UBXN2B: variants seen among roughly 807,000 people sequenced by gnomAD.
The protein encoded by UBXN2B is UBX domain protein 2B.
Under a neutral mutation model 37.5 loss-of-function variants are expected in UBXN2B, and 19 were observed. That is an observed-to-expected ratio of 0.51 (90% CI 0.35 to 0.74). The LOEUF (loss-of-function observed/expected upper bound fraction) is 0.74, where lower values mean the gene tolerates loss of function less well. Ranked by LOEUF, UBXN2B falls within the 30% of genes least tolerant of loss-of-function variation. The pLI, the probability that UBXN2B is intolerant of heterozygous loss-of-function variation, is 0.01. For missense variants in UBXN2B, 370 were observed against 393.2 expected (o/e 0.94, Z 0.50); for synonymous variants, 145 against 143.8 (o/e 1.01, Z -0.06).
At position 58,448,501 on chromosome 8, in the gene UBXN2B, T is replaced by C. The variant is rs1313782070; in HGVS notation, c.*950T>C. ...AAGGTCAGCAGTTCTTAAGAAGATA[T>C]GGTAAACAGCAACAATATTTTAAAA... is the stretch of plus-strand genomic sequence containing the variant. On this transcript the variant is annotated 3_prime_UTR_variant, in exon 8 of 8. Coordinates refer to ENST00000399598, the MANE Select transcript of UBXN2B (RefSeq NM_001077619.2). 2.0e-5 allele frequency: 3 copies of C among 152,160 alleles called. No homozygotes were observed. Among genetic ancestry groups the C allele is most frequent in the Non-Finnish European group, 4.4e-5 (3 of 68,028 alleles). 9.4% of individuals were successfully genotyped at this position (152,160 alleles called of 1,614,324 possible). A position where few individuals can be genotyped will look rare whatever the true frequency, so the allele number is the denominator to read the frequency against.
In UBXN2B at chr8:58,426,577, T is replaced by TA; in HGVS notation, c.189-3941dup. The stretch of plus-strand genomic sequence containing the variant: ...ACAAAAAGTGTGAAGTCTCCAGGGT[T>TA]ACTTTTACTAGGCCTTGCCAAAAAA... On this transcript the variant is annotated intron_variant, in intron 2 of 7. Coordinates refer to ENST00000399598, the MANE Select transcript of UBXN2B (RefSeq NM_001077619.2). The TA allele has an allele frequency of 5.3e-6, 4 of 753,278 alleles. No homozygotes were observed. In the Admixed American group the frequency reaches 6.9e-5, roughly 13 times the overall value. The allele number at this position is 753,278 out of a possible 1,614,324, so 46.7% of individuals were successfully genotyped here. A position where few individuals can be genotyped will look rare whatever the true frequency, so the allele number is the denominator to read the frequency against.
intron 2 of UBXN2B, among the ~76,000 whole-genome samples, chr8:58,420,851 T>G (rs1239948964): frequency 6.6e-6 from 1 of 152,230 alleles, no homozygotes; most frequent in African/African-American, 2.4e-5. Flanking sequence ...TTTGGAACTT[T>G]TCAAGAGGAA....
rs191301008 is a variant in UBXN2B, at chr8:58,431,250, G to A, written c.339+581G>A. 3.5e-3 allele frequency among the ~76,000 whole-genome samples: 530 copies of A among 152,298 alleles called. 2 individuals are homozygous for A. The highest frequency in any genetic ancestry group is 0.012 in the African/African-American group (507 of 41,562). ...TGTAATCCTAGCACTTTGGGAGGCC[G>A]AAGCAGGCAGATCACAGTTCAAGAC... On this transcript the variant is annotated intron_variant, in intron 3 of 7. Coordinates refer to ENST00000399598, the MANE Select transcript of UBXN2B (RefSeq NM_001077619.2).
intron 2 of UBXN2B, among the ~76,000 whole-genome samples, chr8:58,418,791 A>G (rs1244396962): frequency 6.6e-6 from 1 of 152,116 alleles, no homozygotes; most frequent in African/African-American, 2.4e-5. Flanking sequence ...CATATAAAAT[A>G]CTGTATTTTT....
intron 2 of UBXN2B, among the ~76,000 whole-genome samples, chr8:58,426,923 T>C (rs529286923): frequency 6.6e-6 from 1 of 152,244 alleles, no homozygotes; most frequent in African/African-American, 2.4e-5. Context: ...TAATAAGGTT[T>C]TGCCAATTGG....
In UBXN2B at chr8:58,411,399, G is replaced by A. The variant is rs1225166637; in HGVS notation, c.14G>A (p.Gly5Glu). 1.4e-5 allele frequency: 18 copies of A among 1,269,450 alleles called. No individual in the cohort carries two copies. The highest frequency in any genetic ancestry group is 1.7e-5 in the Non-Finnish European group (17 of 1,003,176). 78.6% of individuals were successfully genotyped at this position (1,269,450 alleles called of 1,614,324 possible). The change falls in exon 1 of 8, where the codon GGA becomes GAA. Residue 5 changes from glycine to glutamate, a missense_variant. By Grantham distance (98) the Gly-to-Glu change is moderately conservative (BLOSUM62 -2). Transcript: ENST00000399598. The part of the protein sequence containing the change: MAEG[G>E]GPEPGEQERR... ...AGCCAGCGGAAGATGGCGGAGGGCG[G>A]AGGCCCTGAGCCCGGCGAGCAGGAG...
intron 2 of UBXN2B, among the ~76,000 whole-genome samples, chr8:58,427,214 A>C (rs1808124216): frequency 1.3e-5 from 2 of 152,230 alleles, no homozygotes; most frequent in South Asian, 4.1e-4. Flanking sequence ...CACGCCTGTC[A>C]TCTTAGCACT....
chr8:58,436,927 G>A (rs1022280526), intron 5 of UBXN2B, among the ~76,000 whole-genome samples: 2 of 152,138 alleles, frequency 1.3e-5, no homozygotes, highest in South Asian at 2.1e-4. Context: ...CTTTATAGCA[G>A]TACAAACAGA....
intron 5 of UBXN2B, among the ~76,000 whole-genome samples, chr8:58,438,551 C>G (rs1262519884): frequency 2.0e-5 from 3 of 152,244 alleles, no homozygotes. Flanking sequence ...TTTCAGACTT[C>G]TGTGGGGCCT....
intron 4 of UBXN2B, 21 bp from the exon 5 acceptor site, chr8:58,434,367 ATATTTTT>A: frequency 2.3e-6 from 1 of 442,892 alleles, no homozygotes; most frequent in South Asian, 8.1e-5. Flanking sequence ...ATATATATAT[ATATTTTT>A]TTTTTTTCTA....
chr8:58,446,095 G>C (rs1397706610), intron 7 of UBXN2B, 27 bp downstream of exon 7: 2 of 1,588,266 alleles, frequency 1.3e-6, no homozygotes, highest in African/African-American at 2.7e-5. Context: ...ACAGTGTCCT[G>C]TTTGCTGTTA....
At chr8:58,412,163 A>G (rs1228840029) in intron 1 of UBXN2B, among the ~76,000 whole-genome samples, 1 of 152,220 alleles carries the variant, frequency 6.6e-6, no homozygotes, top group Non-Finnish European at 1.5e-5. Context: ...TTATAAGATT[A>G]TTGATAAAAA....
At chr8:58,428,378 G>T (rs1276006423) in intron 2 of UBXN2B, among the ~76,000 whole-genome samples, 2 of 152,272 alleles carry the variant, frequency 1.3e-5, no homozygotes, top group Middle Eastern at 3.4e-3. Context: ...AAAAACAAAA[G>T]TATACAAATT....
chr8:58,415,002 T>C (rs1001130702), intron 1 of UBXN2B, among the ~76,000 whole-genome samples: 2 of 152,162 alleles, frequency 1.3e-5, no homozygotes, highest in East Asian at 1.9e-4. Flanking sequence ...TATCTATTTC[T>C]GATTCATTTT....
intron 2 of UBXN2B, among the ~76,000 whole-genome samples, chr8:58,427,248 T>G (rs1808125740): frequency 6.6e-6 from 1 of 152,124 alleles, no homozygotes; most frequent in Non-Finnish European, 1.5e-5. Flanking sequence ...GCATTGCAGA[T>G]CGCTTGAGCT....
chr8:58,418,377 A>G (rs1465129064), intron 2 of UBXN2B, among the ~76,000 whole-genome samples: 1 of 151,690 alleles, frequency 6.6e-6, no homozygotes, highest in Non-Finnish European at 1.5e-5. Flanking sequence ...GCATTTAATT[A>G]TTCCTGTTTT....
chr8:58,437,067 G>A (rs939935801), intron 5 of UBXN2B, among the ~76,000 whole-genome samples: 2 of 152,130 alleles, frequency 1.3e-5, no homozygotes, highest in Non-Finnish European at 2.9e-5. Context: ...AAGATAGGAA[G>A]ACAAAGGAAA....
chr8:58,413,537 C>G (rs1752159726), intron 1 of UBXN2B, among the ~76,000 whole-genome samples: 1 of 152,102 alleles, frequency 6.6e-6, no homozygotes, highest in Admixed American at 6.6e-5. Flanking sequence ...TCCCTAACAG[C>G]TTGCTCTAAG....
At chr8:58,416,411 C>T (rs982202518) in intron 1 of UBXN2B, among the ~76,000 whole-genome samples, 28 of 151,994 alleles carry the variant, frequency 1.8e-4, no homozygotes, top group Non-Finnish European at 3.2e-4. Flanking sequence ...AAATAGAATA[C>T]TTCTGAAATT....
Sources: gnomAD v4.1 joint callset for allele counts (sites outside exome capture counted in the v4.1 genomes callset) on GRCh38, gnomAD v4.1.1 for gene constraint, MANE v1.5 for transcripts, NCBI Gene and HGNC (gene_info 2026-07-23, HGNC 2026-07-21) for gene names.